The following PCDH11Y variants were observed in gnomAD, a reference collection of about 807,000 sequenced individuals.
PCDH11Y encodes the protein protocadherin-11 Y-linked.
For missense variants in PCDH11Y, 12 were observed against 224.8 expected (o/e 0.05, Z 6.05); for synonymous variants, 9 against 83.6 (o/e 0.11, Z 4.87).
chrY:5,561,308 A>T, intron 3 of PCDH11Y, among the ~76,000 whole-genome samples: 1 of 26,090 alleles, frequency 3.8e-5, no homozygotes. Flanking sequence ...TGGACTGTGG[A>T]CTTTTGAGTT....
At chrY:5,487,524 T>A (rs2053335232) in intron 2 of PCDH11Y, among the ~76,000 whole-genome samples, 1 of 33,759 alleles carries the variant, frequency 3.0e-5, no homozygotes, top group African/African-American at 1.2e-4. Context: ...GGCAATTTTT[T>A]AAATAACCTG....
At chrY:5,125,745 ATGTG>A (rs755669346) in intron 2 of PCDH11Y, among the ~76,000 whole-genome samples, 2 of 31,946 alleles carry the variant, frequency 6.3e-5, no homozygotes, top group Admixed American at 5.8e-4. Flanking sequence ...CTCTATGTGC[ATGTG>A]TGTGTGTGTG....
At chrY:5,228,461 T>C (rs2052963571) in intron 2 of PCDH11Y, among the ~76,000 whole-genome samples, 25 of 32,122 alleles carry the variant, frequency 7.8e-4, no homozygotes, top group African/African-American at 3.0e-3. Flanking sequence ...TTTCTTCTAC[T>C]AACTTTGGTT....
At chrY:5,410,302 C>G in intron 2 of PCDH11Y, among the ~76,000 whole-genome samples, 1 of 31,317 alleles carries the variant, frequency 3.2e-5, no homozygotes, top group Non-Finnish European at 7.7e-5. Flanking sequence ...ACCCGGGAGG[C>G]GAGGTTGCAG....
At chrY:5,718,179 A>G in intron 4 of PCDH11Y, among the ~76,000 whole-genome samples, 1 of 33,335 alleles carries the variant, frequency 3.0e-5, no homozygotes, top group Admixed American at 2.7e-4. Flanking sequence ...AATATTTGAT[A>G]GTAAAACAGG....
At chrY:5,060,567 G>A in intron 1 of PCDH11Y, among the ~76,000 whole-genome samples, 1 of 29,729 alleles carries the variant, frequency 3.4e-5, no homozygotes, top group Non-Finnish European at 7.8e-5. Flanking sequence ...GAGTTTCAGA[G>A]TGATAATGTA....
At chrY:5,683,767 T>C in intron 4 of PCDH11Y, among the ~76,000 whole-genome samples, 5 of 33,134 alleles carry the variant, frequency 1.5e-4, no homozygotes, top group Non-Finnish European at 7.5e-5. Flanking sequence ...TCAGAGATGC[T>C]GAAGAATAAA....
intron 2 of PCDH11Y, among the ~76,000 whole-genome samples, chrY:5,298,861 C>T: frequency 3.1e-5 from 1 of 32,677 alleles, no homozygotes; most frequent in Non-Finnish European, 7.5e-5. Flanking sequence ...TGGAAAAGTA[C>T]AAAAACGATG....
At chrY:5,631,184 T>A in intron 4 of PCDH11Y, among the ~76,000 whole-genome samples, 1 of 25,239 alleles carries the variant, frequency 4.0e-5, no homozygotes. Flanking sequence ...TCTTATAAAA[T>A]GATGCTGTGG....
At chrY:5,489,723 A>G in intron 2 of PCDH11Y, among the ~76,000 whole-genome samples, 2 of 33,413 alleles carry the variant, frequency 6.0e-5, no homozygotes, top group Non-Finnish European at 1.5e-4. Flanking sequence ...AATGATTAAT[A>G]TTATAAATTT....
intron 2 of PCDH11Y, among the ~76,000 whole-genome samples, chrY:5,283,208 C>T: frequency 3.0e-5 from 1 of 32,875 alleles, no homozygotes; most frequent in Non-Finnish European, 7.5e-5. Flanking sequence ...GTTATGTGCT[C>T]ATAAAATATT....
At chrY:5,577,991 C>G in intron 3 of PCDH11Y, among the ~76,000 whole-genome samples, 2 of 33,176 alleles carry the variant, frequency 6.0e-5, no homozygotes, top group African/African-American at 1.2e-4. Context: ...TTTCATGGGG[C>G]CTTTCCAGCT....
intron 3 of PCDH11Y, among the ~76,000 whole-genome samples, chrY:5,560,090 T>C (rs2053427311): frequency 3.0e-5 from 1 of 33,083 alleles, no homozygotes; most frequent in East Asian, 8.2e-4. Context: ...AATGAGGAAC[T>C]GGAGCAAAAG....
chrY:5,136,478 A>T, intron 2 of PCDH11Y, among the ~76,000 whole-genome samples: 1 of 32,990 alleles, frequency 3.0e-5, no homozygotes, highest in Non-Finnish European at 7.5e-5. Context: ...ACCAAGAAGA[A>T]ATCTCTGAAT....
At chrY:5,440,585 A>G in intron 2 of PCDH11Y, among the ~76,000 whole-genome samples, 1 of 31,428 alleles carries the variant, frequency 3.2e-5, no homozygotes, top group Non-Finnish European at 7.8e-5. Context: ...CACAGATTCT[A>G]TCTACCTTTT....
chrY:5,298,940 A>G, intron 2 of PCDH11Y, among the ~76,000 whole-genome samples: 8 of 32,696 alleles, frequency 2.4e-4, no homozygotes. Flanking sequence ...ATTCAGTTTC[A>G]TATAGAAAAT....
chrY:5,162,694 T>G, intron 2 of PCDH11Y, among the ~76,000 whole-genome samples: 3 of 33,006 alleles, frequency 9.1e-5, no homozygotes, highest in Non-Finnish European at 2.3e-4. Flanking sequence ...CCAGCCAAAA[T>G]GTATGAGAGG....
chrY:5,035,021 G>A, intron 3 of PCDH11Y, among the ~76,000 whole-genome samples: 1 of 31,958 alleles, frequency 3.1e-5, no homozygotes, highest in South Asian at 7.1e-4. Flanking sequence ...TGAATGCTAG[G>A]CCTCGGAGTT....
intron 2 of PCDH11Y, among the ~76,000 whole-genome samples, chrY:5,468,649 CT>C (rs759342669): frequency 3.4e-5 from 1 of 29,072 alleles, no homozygotes; most frequent in Non-Finnish European, 8.2e-5. Flanking sequence ...CAAGGCCTCA[CT>C]TTTTTTAAAA....
Sources: gnomAD v4.1 joint callset for allele counts (sites outside exome capture counted in the v4.1 genomes callset) on GRCh38, gnomAD v4.1.1 for gene constraint, MANE v1.5 for transcripts, NCBI Gene and HGNC (gene_info 2026-07-23, HGNC 2026-07-21) for gene names.